MYBL1: variants seen among roughly 807,000 people sequenced by gnomAD.
MYBL1 encodes MYB proto-oncogene like 1.
In MYBL1, 17 loss-of-function variants were observed where a neutral mutation model predicts 96.3. The observed-to-expected ratio is 0.18, with a 90% confidence interval of 0.12 to 0.26. The LOEUF (loss-of-function observed/expected upper bound fraction) is 0.26. Among genes scored for constraint, MYBL1 ranks in the 10% least tolerant of loss-of-function variants. The probability of loss-of-function intolerance (pLI) is 1.00; values close to 1 mark genes in which losing one functional copy is unlikely to be tolerated. For missense variants in MYBL1, 701 were observed against 882.9 expected (o/e 0.79, Z 2.61); for synonymous variants, 282 against 292.7 (o/e 0.96, Z 0.37).
At position 66,582,693 on chromosome 8, in the gene MYBL1, G is replaced by A. The variant is rs139500804; in HGVS notation, c.868-2327C>T. ...AGATCACAGCACTGTATTTCAGCCT[G>A]GGGGGACGGAGTGAAACCCTGCCTC... On this transcript the variant is annotated intron_variant, in intron 8 of 15. Transcript: ENST00000522677. Among the ~76,000 whole-genome samples the A allele has an allele frequency of 8.1e-3, 1,207 of 148,552 alleles. 16 individuals are homozygous for A. Among genetic ancestry groups the A allele is most frequent in the African/African-American group, 0.029 (1,132 of 39,560 alleles).
Position 66,566,920 on chromosome 8 carries a change from G to A in MYBL1, c.1801C>T (p.Leu601Phe). The A allele has an allele frequency of 1.2e-6, 2 of 1,613,282 alleles. No homozygotes were observed. The highest frequency in any genetic ancestry group is 4.5e-5 in the East Asian group (2 of 44,780). ...LKEETGTDLF[L>F]KEEDEPAYKS... ...TAAGCAGGTTCATCTTCCTCTTTGAGGAATAGGTCTGTTCCAGTTTCTTCT... is the reference window on the plus strand; with the variant it reads ...TAAGCAGGTTCATCTTCCTCTTTGAAGAATAGGTCTGTTCCAGTTTCTTCT... Residue 601 changes from leucine to phenylalanine, a missense_variant, in exon 13 of 16, where the codon CTC becomes TTC. By Grantham distance (22) the Leu-to-Phe change is conservative. Around this residue, in one of 5 missense-constraint regions of MYBL1, gnomAD observed 63 missense variants for 109.2 expected, o/e 0.58. Transcript: ENST00000522677.
chr8:66,605,116 AATC>A (rs1810261569), intron 1 of MYBL1, among the ~76,000 whole-genome samples: 1 of 152,264 alleles, frequency 6.6e-6, no homozygotes, highest in Non-Finnish European at 1.5e-5. Flanking sequence ...TCAAAAATAT[AATC>A]ATTTCAACAT....
At chr8:66,593,236 A>G (rs1468500664) in intron 6 of MYBL1, 42 bp from the exon 7 acceptor site, 5 of 1,247,812 alleles carry the variant, frequency 4.0e-6, no homozygotes, top group Non-Finnish European at 4.5e-6. Flanking sequence ...ATATAATGCT[A>G]TAAATGTTGA....
intron 12 of MYBL1, among the ~76,000 whole-genome samples, chr8:66,569,829 G>A (rs764750605): frequency 1.2e-4 from 18 of 152,092 alleles, no homozygotes; most frequent in Non-Finnish European, 2.5e-4. Flanking sequence ...TACTTTTCAG[G>A]TTTGATACTA....
intron 1 of MYBL1, among the ~76,000 whole-genome samples, chr8:66,611,348 C>T (rs575014929): frequency 6.6e-6 from 1 of 152,190 alleles, no homozygotes; most frequent in East Asian, 1.9e-4. Flanking sequence ...TAAACCAGTA[C>T]TTCGGCAATC....
intron 8 of MYBL1, among the ~76,000 whole-genome samples, chr8:66,584,168 T>A (rs1809321122): frequency 6.6e-6 from 1 of 152,130 alleles, no homozygotes; most frequent in African/African-American, 2.4e-5. Flanking sequence ...AATCATTTGA[T>A]AAAATCAACA....
At position 66,594,292 on chromosome 8, in the gene MYBL1, T is replaced by C. The variant is rs146098305; in HGVS notation, c.688-1098A>G. Among the ~76,000 whole-genome samples the C allele has an allele frequency of 7.8e-3, 1,186 of 152,308 alleles. 13 individuals carry two copies. Among genetic ancestry groups the C allele is most frequent in the African/African-American group, 0.027 (1,121 of 41,574 alleles). On this transcript the variant is annotated intron_variant, in intron 6 of 15. Transcript: ENST00000522677. ...AGAATACTCGATTAGTACCACTTAT[T>C]GCTCAACTTGGTAACTCTAATGAAT... is the stretch of plus-strand genomic sequence containing the variant.
intron 6 of MYBL1, among the ~76,000 whole-genome samples, chr8:66,593,962 C>G (rs757164131): frequency 2.6e-5 from 4 of 151,826 alleles, no homozygotes; most frequent in Non-Finnish European, 1.5e-5. Context: ...ATGGCAAGAC[C>G]CTGTTTTTAC....
In MYBL1 at chr8:66,576,119, A is replaced by G. The variant is rs1414991174; in HGVS notation, c.1358T>C (p.Met453Thr). The G allele has an allele frequency of 6.2e-7, 1 of 1,613,812 alleles. No homozygotes were observed. The highest frequency in any genetic ancestry group is 1.7e-5 in the Admixed American group (1 of 60,000). The change falls in exon 10 of 16, where the codon ATG becomes ACG. Residue 453 changes from methionine to threonine, a missense_variant. Coordinates refer to ENST00000522677, the MANE Select transcript of MYBL1 (RefSeq NM_001080416.4). ...PPAILRKKRKMRVGHSPGSEL... is the reference protein window; with the variant it reads ...PPAILRKKRKTRVGHSPGSEL... ...GCTGCCTGGGGAATGACCCACTCGC[A>G]TTTTTCTCTTCTTTCTGAGGATGGC...
chr8:66,591,286 G>C (rs574434265), intron 8 of MYBL1, among the ~76,000 whole-genome samples: 61 of 152,026 alleles, frequency 4.0e-4, no homozygotes, highest in Non-Finnish European at 7.8e-4. Context: ...GGCGGAGCTT[G>C]CAGTGAGCCA....
At chr8:66,595,554 T>C in intron 6 of MYBL1, 29 bp downstream of exon 6, 2 of 1,349,304 alleles carry the variant, frequency 1.5e-6, no homozygotes, top group Non-Finnish European at 9.6e-7. Context: ...GAAAATTTTT[T>C]AAATAATAAA....
chr8:66,613,020 C>T lies in MYBL1; in HGVS notation c.-182G>A, dbSNP rs1160884702. ...GAGGGACAGCGGGGGCGGACCGCGA[C>T]CCGACCCCGACCCCGGCCCGCAGCG... On this transcript the variant is annotated 5_prime_UTR_variant, in exon 1 of 16. Coordinates refer to ENST00000522677, the MANE Select transcript of MYBL1 (RefSeq NM_001080416.4). 5 of 553,460 alleles carry T rather than the reference C, an allele frequency of 9.0e-6. No individual in the cohort carries two copies. Among genetic ancestry groups the T allele is most frequent in the East Asian group, 6.9e-5 (2 of 28,788 alleles). The allele number at this position is 553,460 out of a possible 1,614,324, so 34.3% of individuals were successfully genotyped here.
intron 5 of MYBL1, among the ~76,000 whole-genome samples, chr8:66,597,073 T>C (rs1293148402): frequency 6.6e-6 from 1 of 152,170 alleles, no homozygotes; most frequent in Non-Finnish European, 1.5e-5. Flanking sequence ...TAGGAGTGTA[T>C]TAAATGTTTA....
At chr8:66,573,643 A>G in intron 10 of MYBL1, 137 bp from the exon 11 acceptor site, 1 of 721,060 alleles carries the variant, frequency 1.4e-6, no homozygotes, top group Non-Finnish European at 2.0e-6. Flanking sequence ...CTTATACTCC[A>G]TGGAAATTAT....
chr8:66,593,347 T>C (rs959089794), intron 6 of MYBL1, among the ~76,000 whole-genome samples, 153 bp from the exon 7 acceptor site: 1 of 152,208 alleles, frequency 6.6e-6, no homozygotes, highest in African/African-American at 2.4e-5. Context: ...TAATACTTTC[T>C]TATCTATTAA....
intron 3 of MYBL1, among the ~76,000 whole-genome samples, chr8:66,599,903 T>G (rs1220544299): frequency 3.3e-5 from 5 of 152,224 alleles, no homozygotes; most frequent in African/African-American, 1.2e-4. Context: ...AAGGCATTGC[T>G]ATACTACTGC....
intron 8 of MYBL1, among the ~76,000 whole-genome samples, chr8:66,588,703 A>G (rs1195411280): frequency 6.6e-6 from 1 of 152,188 alleles, no homozygotes; most frequent in Non-Finnish European, 1.5e-5. Flanking sequence ...AATGGCAGTC[A>G]ATATTGTCAC....
At chr8:66,611,819 GACCCCCATT>G (rs1810541331) in intron 1 of MYBL1, among the ~76,000 whole-genome samples, 1 of 152,214 alleles carries the variant, frequency 6.6e-6, no homozygotes, top group South Asian at 2.1e-4. Context: ...TGCAATGAAT[GACCCCCATT>G]ACTAAATTTC....
chr8:66,573,671 AT>A (rs1228627971), intron 10 of MYBL1, among the ~76,000 whole-genome samples, 165 bp from the exon 11 acceptor site: 2 of 152,168 alleles, frequency 1.3e-5, no homozygotes, highest in African/African-American at 4.8e-5. Flanking sequence ...GAGGGTAGGA[AT>A]TTTTGTCTGG....
Sources: allele counts gnomAD v4.1 joint callset (sites outside exome capture counted in the v4.1 genomes callset), GRCh38; gene constraint gnomAD v4.1.1; regional missense constraint gnomAD v4.1.1; transcripts MANE v1.5; gene names NCBI Gene and HGNC (gene_info 2026-07-23, HGNC 2026-07-21).